The following SHISA9 variants were observed in gnomAD, a reference collection of about 807,000 sequenced individuals.
SHISA9 encodes protein shisa-9.
Under a neutral mutation model 38.0 loss-of-function variants are expected in SHISA9, and 13 were observed. The observed-to-expected ratio is 0.34, with a 90% CI of 0.22 to 0.54. SHISA9 has a LOEUF of 0.54. Ranked by LOEUF, SHISA9 falls within the 20% of genes least tolerant of loss-of-function variation. The probability of loss-of-function intolerance (pLI) is 0.91; values close to 1 mark genes in which losing one functional copy is unlikely to be tolerated. For synonymous variants in SHISA9, 275 were observed against 242.0 expected (o/e 1.14, Z -1.27); for missense variants, 538 against 575.8 (o/e 0.93, Z 0.67).
chr16:13,512,136 T>C, the SHISA9 span, among the ~76,000 whole-genome samples: 5 of 152,074 alleles, frequency 3.3e-5, no homozygotes, highest in African/African-American at 4.8e-5. Flanking sequence ...AGTAACCTAA[T>C]TGCATCTTAG....
chr16:13,177,806 A>G (rs776538527), intron 2 of SHISA9, among the ~76,000 whole-genome samples: 7 of 152,154 alleles, frequency 4.6e-5, no homozygotes, highest in Non-Finnish European at 8.8e-5. Flanking sequence ...AGTAGCTGAC[A>G]CTACAGGCAA....
intron 3 of SHISA9, among the ~76,000 whole-genome samples, chr16:13,206,672 G>C (rs1046588493): frequency 1.3e-5 from 2 of 152,242 alleles, no homozygotes; most frequent in African/African-American, 4.8e-5. Context: ...CAAGGACACA[G>C]GATGTGCAAA....
chr16:12,966,374 C>A (rs936192287), intron 2 of SHISA9, among the ~76,000 whole-genome samples: 1 of 152,152 alleles, frequency 6.6e-6, no homozygotes, highest in African/African-American at 2.4e-5. Flanking sequence ...TTTATCTCTG[C>A]ATCTTGTATG....
chr16:13,176,455 T>C (rs2050732384), intron 2 of SHISA9, among the ~76,000 whole-genome samples: 7 of 152,228 alleles, frequency 4.6e-5, no homozygotes, highest in Admixed American at 4.6e-4. Context: ...CAGTCCACTC[T>C]CTTTAGAACC....
At chr16:13,084,098 TA>T (rs34129914) in intron 2 of SHISA9, among the ~76,000 whole-genome samples, 107,254 of 151,622 alleles carry the variant, frequency 0.71, 38,195 homozygotes, top group Admixed American at 0.78. Context: ...CATAGTTTTC[TA>T]AAAAAAAAGA....
intron 2 of SHISA9, among the ~76,000 whole-genome samples, chr16:13,000,600 C>T (rs1163621670): frequency 6.6e-6 from 1 of 152,152 alleles, no homozygotes; most frequent in African/African-American, 2.4e-5. Flanking sequence ...AGGTGTCAGC[C>T]TGTAGCAGGA....
chr16:13,041,144 T>G (rs1003921019), intron 2 of SHISA9, among the ~76,000 whole-genome samples: 7 of 152,220 alleles, frequency 4.6e-5, no homozygotes, highest in African/African-American at 1.7e-4. Flanking sequence ...ATCTCAGAGC[T>G]GGATGTGTTG....
the SHISA9 span, among the ~76,000 whole-genome samples, chr16:13,482,041 G>A: frequency 6.6e-6 from 1 of 152,074 alleles, no homozygotes; most frequent in African/African-American, 2.4e-5. Flanking sequence ...TCTTCCACTG[G>A]CCCTTCCAGA....
the SHISA9 span, among the ~76,000 whole-genome samples, chr16:13,428,243 T>C: frequency 2.0e-5 from 3 of 152,058 alleles, no homozygotes; most frequent in Non-Finnish European, 4.4e-5. Context: ...TAACCTAGCA[T>C]AATGAAGCTG....
At chr16:13,358,509 G>T in the SHISA9 span, among the ~76,000 whole-genome samples, 1 of 152,048 alleles carries the variant, frequency 6.6e-6, no homozygotes, top group Non-Finnish European at 1.5e-5. Flanking sequence ...AAAATATTCC[G>T]TGAGGATGTT....
intron 2 of SHISA9, among the ~76,000 whole-genome samples, chr16:12,983,604 T>C (rs2072269139): frequency 6.6e-6 from 1 of 152,182 alleles, no homozygotes; most frequent in Non-Finnish European, 1.5e-5. Flanking sequence ...TTCTTCTGCC[T>C]CAACCTCCCA....
rs374078334 is a variant in SHISA9, at chr16:13,203,417, G to C, written c.715G>C (p.Val239Leu). ...AGATGCCACCCAGATGAACAACGCAGTGCCCACCTCTCCTCTGCTCCAGCA... is the reference window on the plus strand; with the variant it reads ...AGATGCCACCCAGATGAACAACGCACTGCCCACCTCTCCTCTGCTCCAGCA... The part of the protein sequence containing the change: ...NLHATQMNNA[V>L]PTSPLLQQMG... The change falls in exon 3 of 5, where the codon GTG becomes CTG. Residue 239 changes from valine (V) to leucine (L), a missense_variant. Around this residue, in one of 4 missense-constraint regions of SHISA9, gnomAD observed 326 missense variants for 305.9 expected, o/e 1.07. Transcript: ENST00000558583. 1.3e-6 allele frequency: 2 copies of C among 1,545,118 alleles called. No individual in the cohort carries two copies. The highest frequency in any genetic ancestry group is 2.8e-5 in the African/African-American group (2 of 72,710).
the SHISA9 span, among the ~76,000 whole-genome samples, chr16:13,558,605 A>G: frequency 2.0e-5 from 3 of 152,234 alleles, no homozygotes; most frequent in Admixed American, 2.0e-4. Context: ...AGAGTACAGT[A>G]ACACGTTCCT....
At chr16:13,375,650 A>G in the SHISA9 span, among the ~76,000 whole-genome samples, 1 of 152,328 alleles carries the variant, frequency 6.6e-6, no homozygotes, top group African/African-American at 2.4e-5. Flanking sequence ...GAAAACTAAG[A>G]AAACAATTCC....
chr16:13,405,280 C>T, the SHISA9 span, among the ~76,000 whole-genome samples: 2 of 152,092 alleles, frequency 1.3e-5, no homozygotes, highest in African/African-American at 4.8e-5. Context: ...GAAGCAGACC[C>T]CTTCATGCCC....
chr16:12,910,800 A>G (rs1214044641), intron 1 of SHISA9: 1 of 896,916 alleles, frequency 1.1e-6, no homozygotes, highest in East Asian at 1.2e-4. Flanking sequence ...TTGGAAGTCC[A>G]AAATCTCCAG....
In SHISA9 at chr16:12,902,806, C is replaced by G. The variant is rs918733940; in HGVS notation, c.563+179C>G. 4 of 644,538 alleles carry G rather than the reference C, an allele frequency of 6.2e-6. No individual in the cohort carries two copies. The African/African-American group carries it at 7.3e-5, about 12-fold the overall frequency. 39.9% of individuals were successfully genotyped at this position (644,538 alleles called of 1,614,324 possible). ...TGGAACACGGAGAAGGGGCGCTGGG[C>G]TCAGCACAGGTGTGGGTCTGAGCGT... On this transcript the variant is annotated intron_variant, in intron 1 of 4. Coordinates refer to ENST00000558583, the MANE Select transcript of SHISA9 (RefSeq NM_001145204.3).
At chr16:13,339,138 A>G in the SHISA9 span, among the ~76,000 whole-genome samples, 1 of 150,050 alleles carries the variant, frequency 6.7e-6, no homozygotes, top group African/African-American at 2.4e-5. Context: ...GGAGCAGAAA[A>G]TACCGGAGCT....
At chr16:13,550,966 AC>A in the SHISA9 span, among the ~76,000 whole-genome samples, 1 of 152,168 alleles carries the variant, frequency 6.6e-6, no homozygotes, top group South Asian at 2.1e-4. Context: ...TACTAAAAAT[AC>A]AAAAAATTAG....
Sources: gnomAD v4.1 joint callset for allele counts (sites outside exome capture counted in the v4.1 genomes callset) on GRCh38, gnomAD v4.1.1 for gene constraint, gnomAD v4.1.1 regional missense constraint, MANE v1.5 for transcripts, NCBI Gene and HGNC (gene_info 2026-07-23, HGNC 2026-07-21) for gene names.